ADARB2: variants seen among roughly 807,000 people sequenced by gnomAD.
ADARB2 encodes the protein inactive double-stranded RNA-specific editase B2.
A neutral mutation model predicts 62.2 loss-of-function variants in ADARB2; 25 were observed. The ratio of observed to expected loss-of-function variants is 0.40; its 90% CI spans 0.29 to 0.56. The LOEUF (loss-of-function observed/expected upper bound fraction) is 0.56, where lower values mean the gene tolerates loss of function less well. Among genes scored for constraint, ADARB2 ranks in the 20% least tolerant of loss-of-function variants. ADARB2 has a pLI of 0.43. For missense variants in ADARB2, 1,071 were observed against 1,077.4 expected (o/e 0.99, Z 0.08); for synonymous variants, 572 against 500.8 (o/e 1.14, Z -1.90).
intron 1 of ADARB2, among the ~76,000 whole-genome samples, chr10:1,574,162 C>G (rs1191396356): frequency 6.6e-6 from 1 of 152,124 alleles, no homozygotes; most frequent in Non-Finnish European, 1.5e-5. Context: ...GTCTGCTGAG[C>G]GAGGAGGAGC....
At chr10:1,605,369 G>A (rs1027314337) in intron 1 of ADARB2, among the ~76,000 whole-genome samples, 2 of 152,204 alleles carry the variant, frequency 1.3e-5, no homozygotes, top group Admixed American at 1.3e-4. Flanking sequence ...GTCTCTCAGA[G>A]GCATTGCCCA....
At chr10:1,341,994 C>T (rs2805541) in intron 3 of ADARB2, among the ~76,000 whole-genome samples, 82,237 of 152,190 alleles carry the variant, frequency 0.54, 22,793 homozygotes, top group East Asian at 0.7. Flanking sequence ...ATGTGTGCAC[C>T]CCAGGCTCAT....
chr10:1,431,137 T>C (rs1830774032), intron 1 of ADARB2, among the ~76,000 whole-genome samples: 1 of 139,334 alleles, frequency 7.2e-6, no homozygotes, highest in South Asian at 2.3e-4. Flanking sequence ...AGAATACACA[T>C]ATTTTTCAAT....
chr10:1,599,050 T>C (rs779473625), intron 1 of ADARB2, among the ~76,000 whole-genome samples: 1 of 152,224 alleles, frequency 6.6e-6, no homozygotes, highest in Non-Finnish European at 1.5e-5. Context: ...AAGAGTGCCA[T>C]GTTAACGGGA....
chr10:1,318,248 C>T (rs1369815264), intron 3 of ADARB2, among the ~76,000 whole-genome samples: 1 of 152,122 alleles, frequency 6.6e-6, no homozygotes, highest in African/African-American at 2.4e-5. Flanking sequence ...GTGACGGATC[C>T]TGTAACAGGA....
intron 1 of ADARB2, among the ~76,000 whole-genome samples, chr10:1,637,562 C>A (rs536769599): frequency 6.6e-6 from 1 of 152,222 alleles, no homozygotes; most frequent in South Asian, 2.1e-4. Flanking sequence ...GTATTTGTTC[C>A]TTGATCCTAA....
chr10:1,643,093 CA>C (rs1340992405), intron 1 of ADARB2, among the ~76,000 whole-genome samples: 18 of 152,176 alleles, frequency 1.2e-4, no homozygotes, highest in African/African-American at 3.6e-4. Flanking sequence ...AACTGAGGCA[CA>C]GACACCCAAA....
At position 1,721,773 on chromosome 10, in the gene ADARB2, A is replaced by G. The variant is rs77751677; in HGVS notation, c.100+15278T>C. ...TCAGGGACACAGCATTTGTGCTTTC[A>G]TCTACCCTCAGCCTTGGCCTCATCC... On this transcript the variant is annotated intron_variant, in intron 1 of 9. Transcript: ENST00000381312. Among the ~76,000 whole-genome samples, 753 of 152,242 alleles carry G rather than the reference A, an allele frequency of 4.9e-3. 8 individuals carry two copies. Among genetic ancestry groups the G allele is most frequent in the African/African-American group, 0.016 (679 of 41,518 alleles).
At chr10:1,496,801 C>G (rs1831698226) in intron 1 of ADARB2, among the ~76,000 whole-genome samples, 1 of 152,158 alleles carries the variant, frequency 6.6e-6, no homozygotes, top group South Asian at 2.1e-4. Context: ...TCATCATCAC[C>G]AACATTGTCA....
intron 1 of ADARB2, among the ~76,000 whole-genome samples, chr10:1,637,240 T>A (rs1833928062): frequency 6.6e-6 from 1 of 152,038 alleles, no homozygotes; most frequent in Non-Finnish European, 1.5e-5. Flanking sequence ...CGTGATGATG[T>A]AAATCCTGTT....
At chr10:1,591,155 G>A (rs34594742) in intron 1 of ADARB2, among the ~76,000 whole-genome samples, 13,681 of 152,254 alleles carry the variant, frequency 0.09, 1,014 homozygotes, top group East Asian at 0.33. Context: ...GGGCCTCACC[G>A]GGAGCCTGGT....
intron 1 of ADARB2, among the ~76,000 whole-genome samples, chr10:1,707,802 G>A (rs1834907803): frequency 2.6e-5 from 4 of 152,242 alleles, no homozygotes; most frequent in South Asian, 4.1e-4. Context: ...GCTGTTTCCT[G>A]CAGGCAGCAC....
At chr10:1,410,266 C>T (rs113914101) in intron 1 of ADARB2, among the ~76,000 whole-genome samples, 18 of 117,484 alleles carry the variant, frequency 1.5e-4, no homozygotes, top group Admixed American at 3.2e-4. Context: ...GAGGCCTGGC[C>T]GTGGTCATGG....
In ADARB2 at chr10:1,737,411, C is replaced by A; in HGVS notation, c.-261G>T. ...CCTGGTCAGGGAGGGCGGGGAAGGG[C>A]GCGCGGCGTCCTGAGTGCTCCGAGC... On this transcript the variant is annotated 5_prime_UTR_variant, in exon 1 of 10. Coordinates refer to ENST00000381312, the MANE Select transcript of ADARB2 (RefSeq NM_018702.4). The A allele has an allele frequency of 2.1e-6, 1 of 466,384 alleles. No individual in the cohort carries two copies. The highest frequency in any genetic ancestry group is 3.7e-5 in the East Asian group (1 of 27,242). 28.9% of individuals were successfully genotyped at this position (466,384 alleles called of 1,614,324 possible). A position where few individuals can be genotyped will look rare whatever the true frequency, so the allele number is the denominator to read the frequency against.
chr10:1,200,233 A>G, intron 7 of ADARB2, 86 bp from the exon 8 acceptor site: 1 of 1,518,822 alleles, frequency 6.6e-7, no homozygotes, highest in Non-Finnish European at 8.9e-7. Flanking sequence ...CCTGGTCCTG[A>G]GGACCTGTCA....
At chr10:1,624,039 C>G (rs550649409) in intron 1 of ADARB2, among the ~76,000 whole-genome samples, 1 of 151,948 alleles carries the variant, frequency 6.6e-6, no homozygotes, top group Non-Finnish European at 1.5e-5. Context: ...TTGAGACCAG[C>G]CTGGGCAACA....
intron 8 of ADARB2, among the ~76,000 whole-genome samples, chr10:1,196,383 C>G (rs1836912442): frequency 6.6e-6 from 1 of 151,736 alleles, no homozygotes; most frequent in South Asian, 2.1e-4. Flanking sequence ...AATGATTAAG[C>G]AAATGCCTGG....
chr10:1,709,727 T>A (rs1171544818), intron 1 of ADARB2, among the ~76,000 whole-genome samples: 1 of 152,232 alleles, frequency 6.6e-6, no homozygotes, highest in African/African-American at 2.4e-5. Context: ...TCTGTATAGA[T>A]GACCCCATGC....
rs1429984763 is a variant in ADARB2, at chr10:1,270,975, G to A, written c.1172C>T (p.Ala391Val). The A allele has an allele frequency of 6.2e-7, 1 of 1,614,172 alleles. No individual in the cohort carries two copies. Among genetic ancestry groups the A allele is most frequent in the South Asian group, 1.1e-5 (1 of 91,054 alleles). ...TPMHARHKAL[A>V]GIVMTKGLDA... ...GCTACCTTTGGTCATGACGATTCCT[G>A]CCAGCGCTTTATGGCGGGCGTGCAT... Residue 391 changes from alanine (A) to valine (V), a missense_variant, in exon 4 of 10, where the codon GCA becomes GTA. By Grantham distance (64) the Ala-to-Val change is moderately conservative. Transcript: ENST00000381312.
Sources: gnomAD v4.1 joint callset for allele counts (sites outside exome capture counted in the v4.1 genomes callset) on GRCh38, gnomAD v4.1.1 for gene constraint, MANE v1.5 for transcripts, NCBI Gene and HGNC (gene_info 2026-07-23, HGNC 2026-07-21) for gene names.